Variants in PACRG observed in about 807,000 individuals in gnomAD.
PACRG encodes the protein parkin coregulated gene protein.
PACRG carries 29 observed loss-of-function variants against 29.7 expected under a neutral mutation model. The observed-to-expected ratio is 0.98, with a 90% CI of 0.73 to 1.33. PACRG has a LOEUF of 1.33. Ranked by LOEUF, PACRG falls within the 40% of genes most tolerant of loss-of-function variation. The pLI is 0.00. For synonymous variants in PACRG, 116 were observed against 118.7 expected (o/e 0.98, Z 0.15); for missense variants, 279 against 316.2 (o/e 0.88, Z 0.89).
chr6:162,905,443 G>T (rs988027006), intron 2 of PACRG, among the ~76,000 whole-genome samples: 1 of 152,150 alleles, frequency 6.6e-6, no homozygotes, highest in African/African-American at 2.4e-5. Context: ...GACCAGACTG[G>T]CAGCATTTAC....
chr6:163,087,916 A>G (rs1227250125), intron 3 of PACRG, among the ~76,000 whole-genome samples: 1 of 152,194 alleles, frequency 6.6e-6, no homozygotes, highest in East Asian at 1.9e-4. Context: ...AGAGGGAGAC[A>G]CAAATTCAAG....
intron 4 of PACRG, among the ~76,000 whole-genome samples, chr6:163,226,481 T>G (rs1781804690): frequency 6.6e-6 from 1 of 152,226 alleles, no homozygotes; most frequent in East Asian, 1.9e-4. Flanking sequence ...TATATAGTTT[T>G]TATTTGTCAG....
In PACRG at chr6:162,770,603, T is replaced by C. The variant is rs6923038; in HGVS notation, c.156+42212T>C. On this transcript the variant is annotated intron_variant, in intron 1 of 4. Transcript: ENST00000366888. ...CAGTTTTCAGAGGCTCTGTCACTCATTTGGTCTCCTCATTTCTGTTTGATT... is the reference window on the plus strand; with the variant it reads ...CAGTTTTCAGAGGCTCTGTCACTCACTTGGTCTCCTCATTTCTGTTTGATT... Among the ~76,000 whole-genome samples the C allele has an allele frequency of 7.3e-3, 1,114 of 152,260 alleles. 12 individuals are homozygous for C. Among genetic ancestry groups the C allele is most frequent in the African/African-American group, 0.026 (1,067 of 41,560 alleles).
At chr6:163,281,578 A>G (rs533727106) in intron 4 of PACRG, among the ~76,000 whole-genome samples, 1 of 152,348 alleles carries the variant, frequency 6.6e-6, no homozygotes, top group Non-Finnish European at 1.5e-5. Context: ...TAGATAGTGT[A>G]CATTTAATTT....
chr6:163,144,811 C>T (rs1380261085), intron 4 of PACRG, among the ~76,000 whole-genome samples: 1 of 152,154 alleles, frequency 6.6e-6, no homozygotes, highest in Non-Finnish European at 1.5e-5. Context: ...ATTTTTCTCT[C>T]TGCATCCCTT....
intron 2 of PACRG, among the ~76,000 whole-genome samples, chr6:162,917,090 G>A (rs1796749458): frequency 1.3e-5 from 2 of 151,968 alleles, no homozygotes; most frequent in African/African-American, 4.8e-5. Flanking sequence ...GCTTTGCTTC[G>A]AGTCTCACAT....
At chr6:162,799,323 T>C (rs77083789) in intron 1 of PACRG, among the ~76,000 whole-genome samples, 10,435 of 152,292 alleles carry the variant, frequency 0.069, 482 homozygotes, top group East Asian at 0.28. Flanking sequence ...TTTAGGTACA[T>C]GTTCATCTTT....
At chr6:162,755,423 T>C (rs1781833438) in intron 1 of PACRG, among the ~76,000 whole-genome samples, 2 of 151,968 alleles carry the variant, frequency 1.3e-5, no homozygotes, top group Non-Finnish European at 2.9e-5. Flanking sequence ...TCCTCCTCCT[T>C]CTTCTTCCTT....
chr6:163,231,176 G>A (rs1168692287), intron 4 of PACRG, among the ~76,000 whole-genome samples: 1 of 152,228 alleles, frequency 6.6e-6, no homozygotes, highest in Non-Finnish European at 1.5e-5. Flanking sequence ...GCCGTGGCTT[G>A]CTGGCTGGGG....
At chr6:163,188,106 T>C (rs567392634) in intron 4 of PACRG, among the ~76,000 whole-genome samples, 2 of 152,224 alleles carry the variant, frequency 1.3e-5, no homozygotes, top group Non-Finnish European at 2.9e-5. Context: ...TGAGTATCTT[T>C]TCCTACAGGG....
chr6:162,739,335 T>A (rs1432610900), intron 1 of PACRG, among the ~76,000 whole-genome samples: 1 of 152,212 alleles, frequency 6.6e-6, no homozygotes, highest in East Asian at 1.9e-4. Flanking sequence ...GCCCATTTTT[T>A]CTGTTACATT....
chr6:163,301,569 G>A (rs964508175), intron 4 of PACRG, among the ~76,000 whole-genome samples: 2 of 152,164 alleles, frequency 1.3e-5, no homozygotes, highest in Admixed American at 6.5e-5. Context: ...CTCATGGCCT[G>A]AGGATGAAGC....
intron 2 of PACRG, among the ~76,000 whole-genome samples, chr6:162,996,491 G>C (rs979015823): frequency 2.6e-5 from 4 of 152,080 alleles, no homozygotes; most frequent in Non-Finnish European, 5.9e-5. Context: ...GATGCTCTAG[G>C]TTAGAGCTAG....
intron 2 of PACRG, among the ~76,000 whole-genome samples, chr6:162,991,704 C>T (rs1803441697): frequency 2.2e-5 from 2 of 92,546 alleles, no homozygotes; most frequent in Non-Finnish European, 3.9e-5. Flanking sequence ...ATTTGACTTC[C>T]TCTTTTCCTA....
At chr6:162,854,573 C>G (rs1330791714) in intron 2 of PACRG, among the ~76,000 whole-genome samples, 2 of 152,028 alleles carry the variant, frequency 1.3e-5, no homozygotes, top group African/African-American at 4.8e-5. Flanking sequence ...TTATTTCTCT[C>G]CAAAAAGAAA....
At chr6:163,078,934 G>A (rs1315392249) in intron 3 of PACRG, among the ~76,000 whole-genome samples, 2 of 151,794 alleles carry the variant, frequency 1.3e-5, no homozygotes, top group Non-Finnish European at 2.9e-5. Flanking sequence ...ATGAGCACAC[G>A]CCAGGTTGGC....
chr6:163,163,820 G>A (rs934916437), intron 4 of PACRG, among the ~76,000 whole-genome samples: 10 of 151,994 alleles, frequency 6.6e-5, no homozygotes, highest in Non-Finnish European at 1.5e-4. Context: ...AACTTTTATT[G>A]TAAAATACAA....
chr6:163,259,472 A>G (rs1317791721), intron 4 of PACRG, among the ~76,000 whole-genome samples: 1 of 152,124 alleles, frequency 6.6e-6, no homozygotes, highest in African/African-American at 2.4e-5. Flanking sequence ...CCACTGAACC[A>G]TACTGATTCT....
At chr6:163,052,306 A>C (rs1810101053) in intron 2 of PACRG, among the ~76,000 whole-genome samples, 1 of 152,190 alleles carries the variant, frequency 6.6e-6, no homozygotes, top group Non-Finnish European at 1.5e-5. Flanking sequence ...TTTCAGATTA[A>C]TTTGTGTTTC....
Sources: allele counts gnomAD v4.1 joint callset (sites outside exome capture counted in the v4.1 genomes callset), GRCh38; gene constraint gnomAD v4.1.1; transcripts MANE v1.5; gene names NCBI Gene and HGNC (gene_info 2026-07-23, HGNC 2026-07-21).